PPM1G: variants seen among roughly 807,000 people sequenced by gnomAD.
PPM1G encodes protein phosphatase 1G.
Under a neutral mutation model 59.4 loss-of-function variants are expected in PPM1G, and 12 were observed. The observed-to-expected ratio is 0.20, with a 90% CI of 0.13 to 0.33. The LOEUF is 0.33. Among genes scored for constraint, PPM1G ranks in the 10% least tolerant of loss-of-function variants. PPM1G has a pLI of 1.00. For missense variants in PPM1G, 392 were observed against 681.3 expected, an observed-to-expected ratio of 0.58 and a Z score of 4.73; for synonymous variants, 245 against 251.9, an observed-to-expected ratio of 0.97 and a Z score of 0.26.
intron 1 of PPM1G, 21 bp downstream of exon 1, chr2:27,409,282 T>C: frequency 1.3e-6 from 2 of 1,552,068 alleles, no homozygotes; most frequent in African/African-American, 1.4e-5. Context: ...GCGGCCAGCC[T>C]ATGGGCCCCT....
intron 1 of PPM1G, among the ~76,000 whole-genome samples, chr2:27,392,455 T>TG (rs1409380796): frequency 6.6e-6 from 1 of 151,558 alleles, no homozygotes; most frequent in African/African-American, 2.4e-5. Flanking sequence ...CCACCATGAC[T>TG]GGCTAGTTTT....
rs745342915 is a variant in PPM1G, at chr2:27,385,795, G to A, written c.361C>T (p.Pro121Ser). 3.1e-6 allele frequency: 5 copies of A among 1,613,998 alleles called. No homozygotes were observed. The East Asian group carries it at 8.9e-5, about 29-fold the overall frequency. ...IKELAQIAGR[P>S]TEDEDEKEKV... is the part of the protein sequence containing the mutation. Reference sequence around the variant, plus strand: ...TCTTTTTCATCTTCATCCTCAGTGGGTCGCCCTGCAATCTGTGCCAGCTCT... The same window carrying A: ...TCTTTTTCATCTTCATCCTCAGTGGATCGCCCTGCAATCTGTGCCAGCTCT... The change falls in exon 4 of 10, where the codon CCC becomes TCC. Residue 121 changes from proline (P) to serine (S), a missense_variant. Pro to Ser is a moderately conservative substitution (Grantham distance 74). This residue lies in a region of PPM1G where 188 missense variants were observed against 248.8 expected (regional missense o/e 0.76). Coordinates refer to ENST00000344034, the MANE Select transcript of PPM1G (RefSeq NM_177983.3). This position sits in a 1 kb window ranked among gnomAD's most constrained non-coding sequence, Gnocchi z 4.1.
intron 9 of PPM1G, 51 bp from the exon 10 acceptor site, chr2:27,381,856 G>A (rs764252599): frequency 2.6e-6 from 4 of 1,566,214 alleles, no homozygotes; most frequent in African/African-American, 2.7e-5. Context: ...CACCTTGCCA[G>A]GAATCTACAG....
intron 1 of PPM1G, among the ~76,000 whole-genome samples, chr2:27,388,751 T>C (rs921646368): frequency 1.3e-5 from 2 of 150,872 alleles, no homozygotes; most frequent in African/African-American, 4.9e-5. Context: ...GGTGGGCGCC[T>C]GTAGTCCCAG....
rs996200098 is a variant in PPM1G, at chr2:27,382,733, A to G, written c.1202-128T>C. ...CATAATCTAGTGGAATGGGGAACTG[A>G]GTCCTAAGTCCTAGTTTTTCTAGTT... On this transcript the variant is annotated intron_variant, in intron 7 of 9. Coordinates refer to ENST00000344034, the MANE Select transcript of PPM1G (RefSeq NM_177983.3). This position sits in a 1 kb window ranked among gnomAD's most constrained non-coding sequence, Gnocchi z 4.2. 1.7e-6 allele frequency: 2 copies of G among 1,177,140 alleles called. No homozygotes were observed. The allele number at this position is 1,177,140 out of a possible 1,614,324, so 72.9% of individuals were successfully genotyped here.
At chr2:27,402,569 G>C (rs1443069383) in intron 1 of PPM1G, among the ~76,000 whole-genome samples, 3 of 152,100 alleles carry the variant, frequency 2.0e-5, no homozygotes, top group Non-Finnish European at 4.4e-5. Context: ...CACTTTGGGA[G>C]GCCGATGTGG....
chr2:27,383,320 CAGAG>C lies in PPM1G; in HGVS notation c.1201+42_1201+45del, dbSNP rs1409856974. 6.4e-7 allele frequency: 1 copy of C among 1,568,152 alleles called. No individual in the cohort carries two copies. Among genetic ancestry groups the C allele is most frequent in the Non-Finnish European group, 8.8e-7 (1 of 1,140,092 alleles). On this transcript the variant is annotated intron_variant, in intron 7 of 9. Coordinates refer to ENST00000344034, the MANE Select transcript of PPM1G (RefSeq NM_177983.3). This position sits in a 1 kb window ranked among gnomAD's most constrained non-coding sequence, Gnocchi z 5.0. ...AAGTTTGCTACTAGGTAGTCTGGGA[CAGAG>C]AGAAAGACCCTAGAAGTCTTTCCCA...
In PPM1G at chr2:27,382,889, G is replaced by A. The variant is rs372971694; in HGVS notation, c.1202-284C>T. Among the ~76,000 whole-genome samples, 150 of 149,780 alleles carry A rather than the reference G, an allele frequency of 1.0e-3. No individual in the cohort carries two copies. The highest frequency in any genetic ancestry group is 3.4e-3 in the Middle Eastern group (1 of 292). On this transcript the variant is annotated intron_variant, in intron 7 of 9. Coordinates refer to ENST00000344034, the MANE Select transcript of PPM1G (RefSeq NM_177983.3). This position sits in a 1 kb window ranked among gnomAD's most constrained non-coding sequence, Gnocchi z 4.2. ...AGCCCAGGCTGGAGTGTAATGGCACGATCTCGGCTCACTACAACCTCCGCC... is the reference window on the plus strand; with the variant it reads ...AGCCCAGGCTGGAGTGTAATGGCACAATCTCGGCTCACTACAACCTCCGCC...
rs193061841 is a variant in PPM1G, at chr2:27,385,142, G to A, written c.410-54C>T. ...CCATGCCAGACTCCTCATGGGATCCGTCCCTCTCACTACCTCAACAGCCCT... is the reference window on the plus strand; with the variant it reads ...CCATGCCAGACTCCTCATGGGATCCATCCCTCTCACTACCTCAACAGCCCT... On this transcript the variant is annotated intron_variant, in intron 4 of 9. Transcript: ENST00000344034. This position sits in a 1 kb window ranked among gnomAD's most constrained non-coding sequence, Gnocchi z 4.1. The A allele has an allele frequency of 2.2e-5, 34 of 1,512,864 alleles. No individual in the cohort carries two copies. Among genetic ancestry groups the A allele is most frequent in the South Asian group, 6.6e-5 (5 of 76,196 alleles). 93.7% of individuals were successfully genotyped at this position (1,512,864 alleles called of 1,614,324 possible). A position where few individuals can be genotyped will look rare whatever the true frequency, so the allele number is the denominator to read the frequency against.
At chr2:27,389,201 TA>T (rs1425223219) in intron 1 of PPM1G, among the ~76,000 whole-genome samples, 6 of 152,120 alleles carry the variant, frequency 3.9e-5, no homozygotes, top group African/African-American at 1.2e-4. Flanking sequence ...GCAAAACACA[TA>T]AAAGCCCTTT....
At chr2:27,408,010 G>T (rs1379012703) in intron 1 of PPM1G, among the ~76,000 whole-genome samples, 1 of 151,488 alleles carries the variant, frequency 6.6e-6, no homozygotes, top group Non-Finnish European at 1.5e-5. Flanking sequence ...TCGCGCCATT[G>T]CATTCCAGCC....
chr2:27,409,226 G>A (rs1663455163), intron 1 of PPM1G, 77 bp downstream of exon 1: 2 of 1,488,602 alleles, frequency 1.3e-6, no homozygotes, highest in East Asian at 2.8e-5. Flanking sequence ...TCCCAGGGGA[G>A]GACCCCATCC....
chr2:27,389,308 CA>C (rs1683843748), intron 1 of PPM1G, among the ~76,000 whole-genome samples: 1 of 152,112 alleles, frequency 6.6e-6, no homozygotes, highest in African/African-American at 2.4e-5. Context: ...ACCCATTTCA[CA>C]TTTTTCTTTT....
At chr2:27,393,399 C>G in intron 1 of PPM1G, 1 of 1,387,472 alleles carries the variant, frequency 7.2e-7, no homozygotes, top group Non-Finnish European at 1.0e-6. Flanking sequence ...GCGGCAGCGG[C>G]AGTGGTGGCT....
At chr2:27,391,794 C>T (rs1426687083) in intron 1 of PPM1G, among the ~76,000 whole-genome samples, 13 of 149,954 alleles carry the variant, frequency 8.7e-5, no homozygotes, top group Non-Finnish European at 1.2e-4. Context: ...TGCAGTGGCG[C>T]GATCTCGGCT....
Position 27,382,108 on chromosome 2 carries a change from C to T in PPM1G, c.1434+18G>A. The T allele has an allele frequency of 6.2e-7, 1 of 1,607,650 alleles. No homozygotes were observed. The highest frequency in any genetic ancestry group is 2.2e-5 in the East Asian group (1 of 44,864). On this transcript the variant is annotated intron_variant, in intron 9 of 9. Transcript: ENST00000344034. The surrounding 1 kb of genome is among the most constrained non-coding windows in gnomAD (Gnocchi z 4.2). Reference sequence around the variant, plus strand: ...CTGTGCAGACCAGACACCCTCTCTTCTCCACCCTGGTACTCACCTCTTCCA... The same window carrying T: ...CTGTGCAGACCAGACACCCTCTCTTTTCCACCCTGGTACTCACCTCTTCCA...
At chr2:27,392,921 G>C (rs982548055) in intron 1 of PPM1G, 14 of 1,423,242 alleles carry the variant, frequency 9.8e-6, no homozygotes, top group Non-Finnish European at 1.4e-5. Context: ...TGTTCATTCA[G>C]GTAATGTGTC....
intron 1 of PPM1G, among the ~76,000 whole-genome samples, chr2:27,396,167 G>A (rs1441315747): frequency 6.6e-6 from 1 of 152,120 alleles, no homozygotes; most frequent in Non-Finnish European, 1.5e-5. Context: ...AGCTACGTGG[G>A]AGGCCGAGGC....
chr2:27,388,860 G>A (rs1237085249), intron 1 of PPM1G, among the ~76,000 whole-genome samples: 3 of 135,360 alleles, frequency 2.2e-5, no homozygotes, highest in African/African-American at 9.2e-5. Context: ...GGGCGACAGA[G>A]CAAGACTCCG....
Sources: allele counts gnomAD v4.1 joint callset (sites outside exome capture counted in the v4.1 genomes callset), GRCh38; gene constraint gnomAD v4.1.1; regional missense constraint gnomAD v4.1.1; non-coding constraint Gnocchi (gnomAD v3.1); transcripts MANE v1.5; gene names NCBI Gene and HGNC (gene_info 2026-07-23, HGNC 2026-07-21).